NEGR1: variants seen among roughly 807,000 people sequenced by gnomAD.
NEGR1 encodes the protein IgLON family member 4.
A neutral mutation model predicts 40.9 loss-of-function variants in NEGR1; 10 were observed. The ratio of observed to expected loss-of-function variants is 0.24; its 90% CI spans 0.15 to 0.42. The LOEUF is 0.42. Among genes scored for constraint, NEGR1 ranks in the 10% least tolerant of loss-of-function variants. The pLI, the probability that NEGR1 is intolerant of heterozygous loss-of-function variation, is 1.00. For missense variants in NEGR1, 352 were observed against 438.9 expected (o/e 0.80, Z 1.77); for synonymous variants, 185 against 166.8 (o/e 1.11, Z -0.84).
intron 1 of NEGR1, among the ~76,000 whole-genome samples, chr1:72,076,106 G>C (rs1647720470): frequency 6.6e-6 from 1 of 152,108 alleles, no homozygotes; most frequent in African/African-American, 2.4e-5. Context: ...CAAGAAAATA[G>C]AGAAGCATTT....
At position 71,877,874 on chromosome 1, in the gene NEGR1, T is replaced by C. The variant is rs376576678; in HGVS notation, c.409+57205A>G. Among the ~76,000 whole-genome samples the C allele has an allele frequency of 1.1e-4, 16 of 152,290 alleles. No homozygotes were observed. In the South Asian group the frequency reaches 2.5e-3, roughly 24 times the overall value. ...GTTCTAAGGTCTGAATGCTTAGTCC[T>C]TGATGGAGGTGATCTTGTAAATTTT... On this transcript the variant is annotated intron_variant, in intron 2 of 6. Coordinates refer to ENST00000357731, the MANE Select transcript of NEGR1 (RefSeq NM_173808.3).
At chr1:71,507,168 G>A (rs1647040626) in intron 6 of NEGR1, among the ~76,000 whole-genome samples, 1 of 152,220 alleles carries the variant, frequency 6.6e-6, no homozygotes, top group Non-Finnish European at 1.5e-5. Flanking sequence ...TGTAAAAGCT[G>A]TAGGAAAGAA....
intron 1 of NEGR1, among the ~76,000 whole-genome samples, chr1:72,264,767 T>C (rs1476081561): frequency 6.6e-6 from 1 of 150,828 alleles, no homozygotes; most frequent in African/African-American, 2.4e-5. Context: ...CGTTTAATAA[T>C]GCATAGACTT....
chr1:71,957,435 C>CT lies in NEGR1; in HGVS notation c.177-22125dup, dbSNP rs1646128502. Among the ~76,000 whole-genome samples, 3 of 152,160 alleles carry CT rather than the reference C, an allele frequency of 2.0e-5. No individual in the cohort carries two copies. The East Asian group carries it at 5.8e-4, about 29-fold the overall frequency. ...GCTAGTCATTCTATATAAAAATGAA[C>CT]TGAACCAATTGATATATACTTGGTA... On this transcript the variant is annotated intron_variant, in intron 1 of 6. Coordinates refer to ENST00000357731, the MANE Select transcript of NEGR1 (RefSeq NM_173808.3).
intron 1 of NEGR1, among the ~76,000 whole-genome samples, chr1:72,074,635 A>G (rs1447767397): frequency 6.6e-6 from 1 of 152,134 alleles, no homozygotes; most frequent in Non-Finnish European, 1.5e-5. Context: ...ATGATACAAT[A>G]AACTCCTATA....
chr1:71,873,690 T>C (rs2101835604), intron 2 of NEGR1, among the ~76,000 whole-genome samples: 1 of 152,290 alleles, frequency 6.6e-6, no homozygotes, highest in South Asian at 2.1e-4. Flanking sequence ...TCTCCTTCTT[T>C]CCAAATAAAT....
chr1:71,598,641 A>G (rs565755984), intron 5 of NEGR1, among the ~76,000 whole-genome samples: 1 of 152,316 alleles, frequency 6.6e-6, no homozygotes, highest in African/African-American at 2.4e-5. Context: ...CTCTAGGTTC[A>G]CTAAATATTT....
chr1:71,726,313 T>C (rs1654673200), intron 3 of NEGR1, among the ~76,000 whole-genome samples: 2 of 152,132 alleles, frequency 1.3e-5, no homozygotes, highest in African/African-American at 4.8e-5. Context: ...GATTTTGCTC[T>C]GTGTATCGCA....
At chr1:72,223,496 C>T (rs1404545079) in intron 1 of NEGR1, among the ~76,000 whole-genome samples, 1 of 152,128 alleles carries the variant, frequency 6.6e-6, no homozygotes, top group Non-Finnish European at 1.5e-5. Flanking sequence ...TGAGACAGTT[C>T]TCTTCTACAT....
chr1:71,420,180 AC>A (rs1646385469), intron 6 of NEGR1, among the ~76,000 whole-genome samples: 1 of 152,262 alleles, frequency 6.6e-6, no homozygotes, highest in Non-Finnish European at 1.5e-5. Flanking sequence ...TCCTTCAGGC[AC>A]AAAACATTAG....
At chr1:72,220,328 A>G (rs560408457) in intron 1 of NEGR1, among the ~76,000 whole-genome samples, 14 of 152,144 alleles carry the variant, frequency 9.2e-5, no homozygotes, top group Admixed American at 2.6e-4. Context: ...CAAAGGCAGG[A>G]ATGTAAAACT....
chr1:71,625,262 A>G (rs905509471), intron 4 of NEGR1, among the ~76,000 whole-genome samples: 30 of 151,438 alleles, frequency 2.0e-4, no homozygotes, highest in Non-Finnish European at 4.3e-4. Flanking sequence ...GATACCTTAT[A>G]TTTTTCTTTA....
intron 3 of NEGR1, among the ~76,000 whole-genome samples, chr1:71,748,866 A>T (rs1655473320): frequency 6.6e-6 from 1 of 152,154 alleles, no homozygotes; most frequent in Non-Finnish European, 1.5e-5. Context: ...TATGATTCAC[A>T]CAGGAGGAAC....
intron 6 of NEGR1, among the ~76,000 whole-genome samples, chr1:71,548,176 A>G (rs1001017970): frequency 1.3e-5 from 2 of 151,732 alleles, no homozygotes; most frequent in African/African-American, 4.8e-5. Context: ...AAACGGAGAT[A>G]TTATGTTTGA....
At chr1:72,207,245 A>G (rs1653441466) in intron 1 of NEGR1, among the ~76,000 whole-genome samples, 1 of 151,898 alleles carries the variant, frequency 6.6e-6, no homozygotes, top group East Asian at 1.9e-4. Flanking sequence ...CAAGAAGCAA[A>G]TATCAGATAA....
At position 71,823,461 on chromosome 1, in the gene NEGR1, G is replaced by C. The variant is rs530761195; in HGVS notation, c.410-47164C>G. ...GAGGTAAATAAACTTTTAATGTTTA[G>C]AGAATATTTGCTTTTCTGTGTAAAA... On this transcript the variant is annotated intron_variant, in intron 2 of 6. Transcript: ENST00000357731. Among the ~76,000 whole-genome samples, 7 of 152,076 alleles carry C rather than the reference G, an allele frequency of 4.6e-5. No individual in the cohort carries two copies. In the South Asian group the frequency reaches 1.5e-3, roughly 32 times the overall value.
At chr1:72,264,675 A>G (rs1169592660) in intron 1 of NEGR1, among the ~76,000 whole-genome samples, 2 of 150,774 alleles carry the variant, frequency 1.3e-5, no homozygotes, top group Non-Finnish European at 1.5e-5. Flanking sequence ...TTTAGTTCTT[A>G]AAAACTTTTT....
At chr1:71,733,123 A>G (rs1033482132) in intron 3 of NEGR1, among the ~76,000 whole-genome samples, 2 of 151,928 alleles carry the variant, frequency 1.3e-5, no homozygotes, top group African/African-American at 4.8e-5. Context: ...TATTCCAAAG[A>G]AAGCACTCTT....
chr1:71,919,451 C>G (rs1340149006), intron 2 of NEGR1, among the ~76,000 whole-genome samples: 2 of 151,092 alleles, frequency 1.3e-5, no homozygotes, highest in African/African-American at 4.9e-5. Context: ...ACCAAATTCT[C>G]TATTAGCTAA....
Sources: allele counts gnomAD v4.1 joint callset (sites outside exome capture counted in the v4.1 genomes callset), GRCh38; gene constraint gnomAD v4.1.1; transcripts MANE v1.5; gene names NCBI Gene and HGNC (gene_info 2026-07-23, HGNC 2026-07-21).